The following GPAT3 variants were observed in gnomAD, a reference collection of about 807,000 sequenced individuals.
GPAT3 encodes the protein glycerol-3-phosphate acyltransferase 3.
In GPAT3, 53 loss-of-function variants were observed where a neutral mutation model predicts 58.8. The ratio of observed to expected loss-of-function variants is 0.90; its 90% CI spans 0.72 to 1.13. The LOEUF (loss-of-function observed/expected upper bound fraction) is 1.13. Among genes scored for constraint, GPAT3 ranks in the 50% most tolerant of loss-of-function variants. GPAT3 has a pLI of 0.00. For synonymous variants in GPAT3, 197 were observed against 187.4 expected, an observed-to-expected ratio of 1.05 and a Z score of -0.42; for missense variants, 511 against 527.6, an observed-to-expected ratio of 0.97 and a Z score of 0.31.
chr4:83,604,673 GAGGACTAAAGAGAGCAAAGGTGA>G lies in GPAT3; in HGVS notation c.1217_1239del (p.Leu406HisfsTer3). 1 of 1,612,824 alleles carries G rather than the reference GAGGACTAAAGAGAGCAAAGGTGA, an allele frequency of 6.2e-7. No individual in the cohort carries two copies. On this transcript the variant is annotated frameshift_variant, in exon 12 of 12. Transcript: ENST00000264409. LOFTEE classifies it high-confidence loss of function. ...ATTTGTCTTTCTGTTTGCAGGGATG[GAGGACTAAAGAGAGCAAAGGTGA>G]AGGACATCTTTAAGGAAGAGCAGCA...
intron 2 of GPAT3, among the ~76,000 whole-genome samples, chr4:83,573,553 C>T (rs1165067229): frequency 6.6e-6 from 1 of 152,214 alleles, no homozygotes; most frequent in Non-Finnish European, 1.5e-5. Flanking sequence ...CCATCTCATT[C>T]CCCAATGTAT....
chr4:83,575,188 T>C (rs1202177969), intron 2 of GPAT3, among the ~76,000 whole-genome samples: 1 of 152,144 alleles, frequency 6.6e-6, no homozygotes, highest in Admixed American at 6.5e-5. Flanking sequence ...CGGACATTTC[T>C]TGATGCCAAA....
chr4:83,572,278 A>G (rs981346812), intron 2 of GPAT3, among the ~76,000 whole-genome samples: 4 of 152,200 alleles, frequency 2.6e-5, no homozygotes, highest in African/African-American at 9.7e-5. Context: ...TATATTGACT[A>G]ACTGAATGAA....
rs1377609663 is a variant in GPAT3, at chr4:83,590,279, G to A, written c.725G>A (p.Gly242Glu). 3 of 1,613,648 alleles carry A rather than the reference G, an allele frequency of 1.9e-6. No individual in the cohort carries two copies. The South Asian group carries it at 3.3e-5, about 18-fold the overall frequency. Residue 242 changes from glycine (G) to glutamate (E), a missense_variant, in exon 6 of 12, where the codon GGA becomes GAA. Coordinates refer to ENST00000264409, the MANE Select transcript of GPAT3 (RefSeq NM_032717.5). Reference protein sequence around the residue: ...PIDVLILTTDGCYAMVGQVHG... With the variant: ...PIDVLILTTDECYAMVGQVHG... The stretch of plus-strand genomic sequence containing the variant: ...GATGTTTTAATCTTGACAACGGATG[G>A]ATGTTATGCTATGGTAAGAGCAGCT...
At chr4:83,600,731 C>G (rs893756245) in intron 11 of GPAT3, among the ~76,000 whole-genome samples, 2 of 152,038 alleles carry the variant, frequency 1.3e-5, no homozygotes, top group African/African-American at 4.8e-5. Flanking sequence ...CCCTCCAACT[C>G]CTGACCTCAG....
chr4:83,547,408 A>G lies in GPAT3; in HGVS notation c.208+2806A>G, dbSNP rs569792892. On this transcript the variant is annotated intron_variant, in intron 2 of 11. Coordinates refer to ENST00000264409, the MANE Select transcript of GPAT3 (RefSeq NM_032717.5). ...GCTGGGACTACAGGTGCCCGCCACCACGCCCAGCTAATTTTTTGTATTTTT... is the reference window on the plus strand; with the variant it reads ...GCTGGGACTACAGGTGCCCGCCACCGCGCCCAGCTAATTTTTTGTATTTTT... Among the ~76,000 whole-genome samples the G allele has an allele frequency of 1.1e-3, 174 of 151,428 alleles. 1 individual carries two copies. The highest frequency in any genetic ancestry group is 3.0e-3 in the Admixed American group (45 of 15,210).
chr4:83,572,117 A>G (rs955375276), intron 2 of GPAT3, among the ~76,000 whole-genome samples: 1 of 152,160 alleles, frequency 6.6e-6, no homozygotes, highest in African/African-American at 2.4e-5. Context: ...AGTTTAATAT[A>G]TCTGGGAGTG....
Position 83,588,249 on chromosome 4 carries a change from C to A in GPAT3, c.594C>A (p.Cys198Ter), listed in dbSNP as rs1726461106. 1 of 1,613,828 alleles carries A rather than the reference C, an allele frequency of 6.2e-7. No homozygotes were observed. The highest frequency in any genetic ancestry group is 1.3e-5 in the African/African-American group (1 of 74,890). The change falls in exon 5 of 12, where the codon TGC (cysteine) becomes TGA (stop). Residue 198 changes from cysteine to a stop codon, truncating the protein, a stop_gained. Coordinates refer to ENST00000264409, the MANE Select transcript of GPAT3 (RefSeq NM_032717.5). LOFTEE classifies it high-confidence loss of function. ...NWLSELVHLT[C>*]CRICVRALSG... ...TGAGTGAACTGGTCCATCTGACTTG[C>A]TGCCGGATCTGTGTGCGAGCCCTCT...
Position 83,536,534 on chromosome 4 carries a change from T to C in GPAT3, c.-89T>C. The stretch of plus-strand genomic sequence containing the variant: ...AGTGCCGGGCTCGGCGCTCTGCTCC[T>C]GGAGCTCCCGCGGGACTGCCTGGGG... On this transcript the variant is annotated 5_prime_UTR_variant, in exon 1 of 12. Transcript: ENST00000264409. 2 of 1,531,460 alleles carry C rather than the reference T, an allele frequency of 1.3e-6. No individual in the cohort carries two copies. The highest frequency in any genetic ancestry group is 2.0e-5 in the Admixed American group (1 of 50,020). 94.9% of individuals were successfully genotyped at this position (1,531,460 alleles called of 1,614,324 possible). A position where few individuals can be genotyped will look rare whatever the true frequency, so the allele number is the denominator to read the frequency against.
At chr4:83,579,687 A>G (rs533712152) in intron 2 of GPAT3, among the ~76,000 whole-genome samples, 2 of 152,278 alleles carry the variant, frequency 1.3e-5, no homozygotes, top group East Asian at 3.9e-4. Flanking sequence ...AAATCATAAA[A>G]CATTAGCCCT....
chr4:83,547,356 C>T (rs924435915), intron 2 of GPAT3, among the ~76,000 whole-genome samples: 7 of 149,762 alleles, frequency 4.7e-5, no homozygotes, highest in Non-Finnish European at 7.4e-5. Context: ...AGATTCACGC[C>T]ATTCTCCTGC....
At chr4:83,597,165 G>A (rs1043557503) in intron 8 of GPAT3, among the ~76,000 whole-genome samples, 3 of 152,136 alleles carry the variant, frequency 2.0e-5, no homozygotes, top group Non-Finnish European at 4.4e-5. Flanking sequence ...TTTAAGGGTT[G>A]CATGTATTGA....
rs571343080 is a variant in GPAT3 at position 83,546,288 on chromosome 4, C to T, written c.208+1686C>T. Reference sequence around the variant, plus strand: ...GCATCAGCCATTGCACCCGGCCCAGCCATGAGTTTTAAAGGACACAAAGTA... The same window carrying T: ...GCATCAGCCATTGCACCCGGCCCAGTCATGAGTTTTAAAGGACACAAAGTA... On this transcript the variant is annotated intron_variant, in intron 2 of 11. Coordinates refer to ENST00000264409, the MANE Select transcript of GPAT3 (RefSeq NM_032717.5). Among the ~76,000 whole-genome samples the T allele has an allele frequency of 2.6e-5, 4 of 151,680 alleles. No homozygotes were observed. In the South Asian group the frequency reaches 8.3e-4, roughly 31 times the overall value.
intron 2 of GPAT3, among the ~76,000 whole-genome samples, chr4:83,560,758 C>T (rs1399320199): frequency 2.0e-5 from 3 of 152,162 alleles, no homozygotes; most frequent in African/African-American, 7.2e-5. Context: ...GCACCATCCC[C>T]ATGGTACTGT....
chr4:83,580,835 G>C (rs1257289640), intron 2 of GPAT3, among the ~76,000 whole-genome samples: 1 of 151,990 alleles, frequency 6.6e-6, no homozygotes, highest in Admixed American at 6.6e-5. Context: ...GGTGGCTCAC[G>C]CCTGTAATCC....
chr4:83,556,095 A>G (rs574334983), intron 2 of GPAT3, among the ~76,000 whole-genome samples: 7 of 152,346 alleles, frequency 4.6e-5, no homozygotes, highest in Admixed American at 3.9e-4. Context: ...CCATACATAA[A>G]TGCCAAACCA....
At chr4:83,552,058 C>T (rs1020450106) in intron 2 of GPAT3, among the ~76,000 whole-genome samples, 1 of 152,068 alleles carries the variant, frequency 6.6e-6, no homozygotes, top group Non-Finnish European at 1.5e-5. Context: ...TTATCTGCTC[C>T]AAAACACAGC....
chr4:83,559,621 A>G (rs1303585815), intron 2 of GPAT3, among the ~76,000 whole-genome samples: 1 of 152,080 alleles, frequency 6.6e-6, no homozygotes, highest in Non-Finnish European at 1.5e-5. Context: ...GTGCACCCGG[A>G]GAAAGCAGGA....
chr4:83,592,270 C>T (rs988474861), intron 6 of GPAT3, among the ~76,000 whole-genome samples: 1 of 152,090 alleles, frequency 6.6e-6, no homozygotes, highest in Non-Finnish European at 1.5e-5. Flanking sequence ...TTTAGAAAAG[C>T]ATAGTAACTG....
Sources: allele counts gnomAD v4.1 joint callset (sites outside exome capture counted in the v4.1 genomes callset), GRCh38; gene constraint gnomAD v4.1.1; transcripts MANE v1.5; gene names NCBI Gene and HGNC (gene_info 2026-07-23, HGNC 2026-07-21).